The following GNG2 variants were observed in gnomAD, a reference collection of about 807,000 sequenced individuals.
GNG2 encodes the protein guanine nucleotide-binding protein G(I)/G(S)/G(O) subunit gamma-2.
Under a neutral mutation model 5.5 loss-of-function variants are expected in GNG2, and 5 were observed. That is an observed-to-expected ratio of 0.91 (90% CI 0.48 to 1.92). GNG2 has a LOEUF of 1.92. Among genes scored for constraint, GNG2 ranks in the 30% most tolerant of loss-of-function variants. GNG2 has a pLI of 0.01. For missense variants in GNG2, 55 were observed against 88.4 expected (o/e 0.62, Z 1.52); for synonymous variants, 28 against 32.0 (o/e 0.88, Z 0.42).
intron 3 of GNG2, among the ~76,000 whole-genome samples, chr14:51,958,956 T>C (rs150069370): frequency 6.6e-6 from 1 of 152,324 alleles, no homozygotes; most frequent in Non-Finnish European, 1.5e-5. Flanking sequence ...TCCAGACGGC[T>C]AAATTTAATA....
chr14:51,932,372 G>A (rs1336507303), intron 2 of GNG2, among the ~76,000 whole-genome samples: 1 of 151,208 alleles, frequency 6.6e-6, no homozygotes, highest in Non-Finnish European at 1.5e-5. Context: ...AAGACATTAC[G>A]CTAAGTGAAA....
chr14:51,871,326 C>A (rs1555350148), intron 1 of GNG2, among the ~76,000 whole-genome samples: 1 of 55,376 alleles, frequency 1.8e-5, no homozygotes. Flanking sequence ...GTGAAAATTC[C>A]TAGGCAAAAA....
At chr14:51,908,638 C>T (rs1233343576) in intron 2 of GNG2, among the ~76,000 whole-genome samples, 5 of 147,174 alleles carry the variant, frequency 3.4e-5, no homozygotes, top group South Asian at 2.2e-4. Flanking sequence ...GGCGCGATCT[C>T]GGCTCACTGC....
intron 2 of GNG2, among the ~76,000 whole-genome samples, chr14:51,851,987 T>A (rs1049805227): frequency 1.3e-5 from 2 of 152,228 alleles, no homozygotes; most frequent in Admixed American, 1.3e-4. Flanking sequence ...CATATTATGC[T>A]GTTAATTTTC....
At chr14:51,873,515 A>G (rs1293117073) in intron 1 of GNG2, among the ~76,000 whole-genome samples, 2 of 152,274 alleles carry the variant, frequency 1.3e-5, no homozygotes, top group East Asian at 3.8e-4. Flanking sequence ...GGAAGTGAAG[A>G]AACCCTGGCA....
At chr14:51,839,373 A>C (rs11852059) in intron 2 of GNG2, among the ~76,000 whole-genome samples, 34,214 of 152,148 alleles carry the variant, frequency 0.22, 4,553 homozygotes, top group African/African-American at 0.36. Flanking sequence ...ATTAGCGTTT[A>C]CAAAATGAGC....
chr14:51,891,334 A>G (rs1884842495), intron 2 of GNG2, among the ~76,000 whole-genome samples: 2 of 152,256 alleles, frequency 1.3e-5, no homozygotes, highest in African/African-American at 4.8e-5. Flanking sequence ...GGTCTTTCGT[A>G]GCTTCATAGG....
At chr14:51,962,546 C>T (rs1025183623) in intron 3 of GNG2, among the ~76,000 whole-genome samples, 1 of 152,252 alleles carries the variant, frequency 6.6e-6, no homozygotes, top group African/African-American at 2.4e-5. Context: ...ATCTGTGGAA[C>T]CCTGGGGTAA....
In GNG2 at chr14:51,969,617, T is replaced by C. The variant is rs1202536836; in HGVS notation, c.*2930T>C. On this transcript the variant is annotated 3_prime_UTR_variant, in exon 4 of 4. Coordinates refer to ENST00000556766, the MANE Select transcript of GNG2 (RefSeq NM_053064.5). ...CTTGGCAATGATGAATTGTTATGTA[T>C]GCATTAATGTTTTGCAGCCCAAAAG... The C allele has an allele frequency of 6.6e-6, 1 of 152,246 alleles. No homozygotes were observed. The highest frequency in any genetic ancestry group is 1.5e-5 in the Non-Finnish European group (1 of 68,048). 9.4% of individuals were successfully genotyped at this position (152,246 alleles called of 1,614,324 possible). A position where few individuals can be genotyped will look rare whatever the true frequency, so the allele number is the denominator to read the frequency against.
chr14:51,944,096 T>C (rs750506858), intron 2 of GNG2, among the ~76,000 whole-genome samples: 6 of 152,262 alleles, frequency 3.9e-5, no homozygotes, highest in Non-Finnish European at 8.8e-5. Context: ...ACAATCCATA[T>C]ATAGAGACCA....
At position 51,937,584 on chromosome 14, in the gene GNG2, C is replaced by T. The variant is rs549242714; in HGVS notation, c.-29-13066C>T. Among the ~76,000 whole-genome samples the T allele has an allele frequency of 3.3e-5, 5 of 151,158 alleles. No homozygotes were observed. In the East Asian group the frequency reaches 5.8e-4, roughly 18 times the overall value. On this transcript the variant is annotated intron_variant, in intron 2 of 3. Transcript: ENST00000556766. ...TGAATCTCTATGCTTTTCAGTTTTC[C>T]GAAAATGGCTATGTATTTCTTTACA...
intron 2 of GNG2, among the ~76,000 whole-genome samples, chr14:51,828,901 T>A (rs1179235564): frequency 6.6e-6 from 1 of 152,172 alleles, no homozygotes; most frequent in South Asian, 2.1e-4. Context: ...GGCAGTTTGA[T>A]GTGCAGACGT....
At chr14:51,965,520 A>G (rs562796549) in intron 3 of GNG2, among the ~76,000 whole-genome samples, 1 of 152,212 alleles carries the variant, frequency 6.6e-6, no homozygotes, top group Non-Finnish European at 1.5e-5. Flanking sequence ...CAGGGAACTC[A>G]TAACAAGCAG....
intron 2 of GNG2, among the ~76,000 whole-genome samples, chr14:51,829,773 T>G (rs1881130982): frequency 6.6e-6 from 1 of 151,982 alleles, no homozygotes; most frequent in African/African-American, 2.4e-5. Flanking sequence ...CATCCACTGC[T>G]AAACCTAATG....
At position 51,932,515 on chromosome 14, in the gene GNG2, C is replaced by T. The variant is rs114204533; in HGVS notation, c.-29-18135C>T. On this transcript the variant is annotated intron_variant, in intron 2 of 3. Transcript: ENST00000556766. ...TGTAGTGGCTTTCACCTGTGGTCCC[C>T]GCTACTTGGGAGGTGGGAGGATCAC... 3.8e-3 allele frequency among the ~76,000 whole-genome samples: 583 copies of T among 151,784 alleles called. 5 individuals are homozygous for T. The highest frequency in any genetic ancestry group is 0.013 in the African/African-American group (546 of 41,396).
intron 1 of GNG2, among the ~76,000 whole-genome samples, chr14:51,871,296 T>G (rs901395780): frequency 7.2e-6 from 1 of 139,352 alleles, no homozygotes; most frequent in South Asian, 2.3e-4. Context: ...AAAATTAAAA[T>G]AAGAAAAATT....
intron 1 of GNG2, among the ~76,000 whole-genome samples, chr14:51,862,795 TAGTG>T (rs1427496413): frequency 2.6e-5 from 4 of 152,220 alleles, no homozygotes; most frequent in African/African-American, 4.8e-5. Context: ...AGCAGAACAT[TAGTG>T]AGTAACAGCA....
intron 2 of GNG2, among the ~76,000 whole-genome samples, chr14:51,907,304 C>T (rs1032459466): frequency 6.6e-6 from 1 of 152,198 alleles, no homozygotes; most frequent in Non-Finnish European, 1.5e-5. Context: ...TATAAAAATA[C>T]ATGTACAAAC....
chr14:51,942,940 A>C (rs1200670375), intron 2 of GNG2, among the ~76,000 whole-genome samples: 1 of 152,046 alleles, frequency 6.6e-6, no homozygotes, highest in Non-Finnish European at 1.5e-5. Context: ...GCACTATCCA[A>C]CCTTTGATCA....
Sources: allele counts gnomAD v4.1 joint callset (sites outside exome capture counted in the v4.1 genomes callset), GRCh38; gene constraint gnomAD v4.1.1; transcripts MANE v1.5; gene names NCBI Gene and HGNC (gene_info 2026-07-23, HGNC 2026-07-21).